PARD3B: variants seen among roughly 807,000 people sequenced by gnomAD.
PARD3B encodes the protein par-3 family cell polarity regulator beta.
PARD3B carries 103 observed loss-of-function variants against 130.2 expected under a neutral mutation model. That is an observed-to-expected ratio of 0.79 (90% CI 0.67 to 0.93). The LOEUF (loss-of-function observed/expected upper bound fraction) is 0.93, where lower values mean the gene tolerates loss of function less well. PARD3B is among the 40% of genes least tolerant of loss of function. The pLI, the probability that PARD3B is intolerant of heterozygous loss-of-function variation, is 0.00. For synonymous variants in PARD3B, 583 were observed against 553.2 expected (o/e 1.05, Z -0.76); for missense variants, 1,609 against 1,499.2 (o/e 1.07, Z -1.21).
chr2:205,354,508 G>A (rs34904732), intron 18 of PARD3B, among the ~76,000 whole-genome samples: 91,239 of 151,266 alleles, frequency 0.6, 30,682 homozygotes, highest in South Asian at 0.77. Flanking sequence ...TTTTAGAGCT[G>A]GGGTCTCACT....
chr2:205,609,345 G>A (rs991381783), intron 22 of PARD3B, among the ~76,000 whole-genome samples: 21 of 152,052 alleles, frequency 1.4e-4, no homozygotes, highest in Non-Finnish European at 2.4e-4. Context: ...AGAAAGCACC[G>A]ACCCCAGCTC....
At chr2:205,066,286 A>G (rs561538720) in intron 4 of PARD3B, among the ~76,000 whole-genome samples, 1 of 152,276 alleles carries the variant, frequency 6.6e-6, no homozygotes, top group South Asian at 2.1e-4. Context: ...ATTTGGTCGC[A>G]TGGTTAACAT....
At chr2:205,080,543 T>C (rs530126969) in intron 4 of PARD3B, among the ~76,000 whole-genome samples, 1 of 152,308 alleles carries the variant, frequency 6.6e-6, no homozygotes, top group Admixed American at 6.5e-5. Flanking sequence ...CCATTGTTAC[T>C]TTTATCTAAA....
chr2:205,437,527 T>C (rs2047559350), intron 19 of PARD3B, among the ~76,000 whole-genome samples: 1 of 152,202 alleles, frequency 6.6e-6, no homozygotes, highest in Non-Finnish European at 1.5e-5. Flanking sequence ...CACATGTAGT[T>C]ACTGAGCACT....
intron 7 of PARD3B, 119 bp downstream of exon 7, chr2:205,119,165 T>C: frequency 2.3e-6 from 3 of 1,288,368 alleles, no homozygotes; most frequent in Non-Finnish European, 2.1e-6. Flanking sequence ...CTTTGAACGA[T>C]CCAGGATATC....
intron 1 of PARD3B, among the ~76,000 whole-genome samples, chr2:204,676,369 T>C (rs1488988405): frequency 3.9e-5 from 6 of 152,074 alleles, no homozygotes; most frequent in Non-Finnish European, 7.4e-5. Context: ...ATATGATGTT[T>C]TGTTGAATAG....
At chr2:204,766,496 A>G (rs1466427005) in intron 2 of PARD3B, among the ~76,000 whole-genome samples, 1 of 152,108 alleles carries the variant, frequency 6.6e-6, no homozygotes, top group Admixed American at 6.6e-5. Context: ...ATTTTTTTCT[A>G]AATTGCACTG....
At chr2:205,248,737 A>G (rs1283867784) in intron 16 of PARD3B, among the ~76,000 whole-genome samples, 1 of 149,778 alleles carries the variant, frequency 6.7e-6, no homozygotes, top group Non-Finnish European at 1.5e-5. Flanking sequence ...CCTCCCGAGT[A>G]GCTGGGACCA....
At chr2:205,123,014 A>T (rs141135230) in intron 8 of PARD3B, among the ~76,000 whole-genome samples, 4 of 152,350 alleles carry the variant, frequency 2.6e-5, no homozygotes, top group South Asian at 2.1e-4. Context: ...TGAATCAGAC[A>T]CAGAATCACC....
intron 4 of PARD3B, among the ~76,000 whole-genome samples, chr2:205,074,698 A>G (rs909814153): frequency 6.6e-6 from 1 of 152,134 alleles, no homozygotes; most frequent in African/African-American, 2.4e-5. Flanking sequence ...AAAATTTACA[A>G]ATGTTGAGAG....
intron 4 of PARD3B, among the ~76,000 whole-genome samples, chr2:205,083,686 T>C (rs1701572037): frequency 1.3e-5 from 2 of 152,090 alleles, no homozygotes; most frequent in African/African-American, 4.8e-5. Flanking sequence ...TTTTCTATTT[T>C]ATTTCTTTGT....
Position 204,689,186 on chromosome 2 carries a change from T to C in PARD3B, c.222+2904T>C, listed in dbSNP as rs1403060700. On this transcript the variant is annotated intron_variant, in intron 2 of 22. Transcript: ENST00000406610. This position sits in a 1 kb window ranked among gnomAD's most constrained non-coding sequence, Gnocchi z 5.2. ...GCCAGTGTTCTTAAGAAATGACTTT[T>C]AAAACTTGTGCCTAAAGTGGTTTGT... Among the ~76,000 whole-genome samples, 1 of 152,182 alleles carries C rather than the reference T, an allele frequency of 6.6e-6. No individual in the cohort carries two copies. The highest frequency in any genetic ancestry group is 1.5e-5 in the Non-Finnish European group (1 of 68,026).
At chr2:204,702,589 T>C (rs2037944909) in intron 2 of PARD3B, among the ~76,000 whole-genome samples, 1 of 152,208 alleles carries the variant, frequency 6.6e-6, no homozygotes. Flanking sequence ...ATTTTTTTCT[T>C]TTTTTGAAGG....
Position 204,710,356 on chromosome 2 carries a change from G to A in PARD3B, c.222+24074G>A, listed in dbSNP as rs76553211. Among the ~76,000 whole-genome samples, 1,295 of 152,344 alleles carry A rather than the reference G, an allele frequency of 8.5e-3. 10 individuals are homozygous for A. The highest frequency in any genetic ancestry group is 0.028 in the African/African-American group (1,178 of 41,576). On this transcript the variant is annotated intron_variant, in intron 2 of 22. Coordinates refer to ENST00000406610, the MANE Select transcript of PARD3B (RefSeq NM_001302769.2). ...TGGAGGGAAAAAAGGTTACGAAACA[G>A]ATCTCCAGAACATGCAGTGATCCCT... is the stretch of plus-strand genomic sequence containing the variant.
intron 2 of PARD3B, among the ~76,000 whole-genome samples, chr2:204,939,001 A>G (rs543074457): frequency 5.1e-4 from 77 of 152,350 alleles, no homozygotes; most frequent in African/African-American, 1.4e-3. Flanking sequence ...CCATATTTAT[A>G]TGGCTGGATG....
rs180779035 is a variant in PARD3B, at chr2:205,230,179, C to G, written c.2141-15599C>G. ...GTACCTAAGGTGCAAGACCAAGTCC[C>G]TCTCCTTTTCTCAAGCAGGAGACCC... On this transcript the variant is annotated intron_variant, in intron 15 of 22. Coordinates refer to ENST00000406610, the MANE Select transcript of PARD3B (RefSeq NM_001302769.2). The surrounding 1 kb of genome is among the most constrained non-coding windows in gnomAD (Gnocchi z 4.1). Among the ~76,000 whole-genome samples the G allele has an allele frequency of 7.4e-3, 1,123 of 152,036 alleles. 8 individuals are homozygous for G. Among genetic ancestry groups the G allele is most frequent in the Admixed American group, 0.013 (200 of 15,266 alleles).
At chr2:205,189,186 G>A (rs2036259768) in intron 14 of PARD3B, among the ~76,000 whole-genome samples, 1 of 152,030 alleles carries the variant, frequency 6.6e-6, no homozygotes, top group African/African-American at 2.4e-5. Flanking sequence ...GCACATACCT[G>A]AAACTACTCT....
chr2:204,719,434 T>A (rs2038894234), intron 2 of PARD3B, among the ~76,000 whole-genome samples: 1 of 152,228 alleles, frequency 6.6e-6, no homozygotes, highest in Non-Finnish European at 1.5e-5. Context: ...AAATCTTTGA[T>A]CATCTTAATA....
intron 2 of PARD3B, among the ~76,000 whole-genome samples, chr2:204,751,728 G>A (rs532285973): frequency 1.3e-5 from 2 of 152,228 alleles, no homozygotes; most frequent in East Asian, 3.9e-4. Flanking sequence ...GGCCAAAATT[G>A]CTGAAAATTG....
Sources: allele counts gnomAD v4.1 joint callset (sites outside exome capture counted in the v4.1 genomes callset), GRCh38; gene constraint gnomAD v4.1.1; non-coding constraint Gnocchi (gnomAD v3.1); transcripts MANE v1.5; gene names NCBI Gene and HGNC (gene_info 2026-07-23, HGNC 2026-07-21).